The following ATRN variants were observed in gnomAD, a reference collection of about 807,000 sequenced individuals.
ATRN encodes the protein attractin.
Under a neutral mutation model 178.7 loss-of-function variants are expected in ATRN, and 54 were observed. That is an observed-to-expected ratio of 0.30 (90% confidence interval 0.24 to 0.38). The LOEUF (loss-of-function observed/expected upper bound fraction) is 0.38. ATRN is among the 10% of genes least tolerant of loss of function. The pLI is 1.00. For missense variants in ATRN, 1,443 were observed against 1,815.1 expected (o/e 0.79, Z 3.73); for synonymous variants, 636 against 663.0 (o/e 0.96, Z 0.63).
At chr20:3,548,995 C>G (rs1343566569) in intron 5 of ATRN, among the ~76,000 whole-genome samples, 175 bp from the exon 6 acceptor site, 9 of 152,046 alleles carry the variant, frequency 5.9e-5, no homozygotes. Flanking sequence ...TGTGATTTAC[C>G]CTTGGTCAAT....
At chr20:3,610,339 A>G (rs542902361) in intron 24 of ATRN, among the ~76,000 whole-genome samples, 1 of 152,342 alleles carries the variant, frequency 6.6e-6, no homozygotes, top group East Asian at 1.9e-4. Context: ...AGAGGGGTAG[A>G]CACACAGATC....
At chr20:3,603,985 A>G (rs1419447369) in intron 23 of ATRN, 120 bp from the exon 24 acceptor site, 4 of 797,002 alleles carry the variant, frequency 5.0e-6, no homozygotes, top group Non-Finnish European at 7.6e-6. Context: ...AAAGGCTATT[A>G]CTGGAACACA....
In ATRN at chr20:3,646,760, G is replaced by A. The variant is rs750655817; in HGVS notation, c.4203G>A (p.Gln1401=). 2.1e-5 allele frequency: 33 copies of A among 1,605,884 alleles called. No homozygotes were observed. In the East Asian group the frequency reaches 7.2e-4, roughly 35 times the overall value. The change falls in exon 29 of 29, where the codon CAG becomes CAA. Residue 1401 remains glutamine (Q), a synonymous_variant. Coordinates refer to ENST00000262919, the MANE Select transcript of ATRN (RefSeq NM_139321.3). ...CCAGCGCCCTGGTGGACATTTCTCA[G>A]CAGATGCCGATAGTGTACAAGGAGA... is the stretch of plus-strand genomic sequence containing the variant. ...AVASALVDIS[Q]QMPIVYKEKS...
intron 3 of ATRN, among the ~76,000 whole-genome samples, chr20:3,544,333 G>A (rs548319937): frequency 6.6e-6 from 1 of 152,280 alleles, no homozygotes; most frequent in African/African-American, 2.4e-5. Context: ...GTTGCCATCT[G>A]AACAGTGCTG....
intron 25 of ATRN, among the ~76,000 whole-genome samples, chr20:3,633,689 G>A (rs6115970): frequency 1.3e-5 from 2 of 152,078 alleles, no homozygotes; most frequent in Admixed American, 1.3e-4. Context: ...TTCCACACCT[G>A]GTTTATACAT....
chr20:3,593,341 T>G (rs1472551691), intron 19 of ATRN, among the ~76,000 whole-genome samples: 1 of 152,204 alleles, frequency 6.6e-6, no homozygotes, highest in Non-Finnish European at 1.5e-5. Flanking sequence ...CTTAAAATTG[T>G]ATAGTCCTTA....
intron 24 of ATRN, among the ~76,000 whole-genome samples, chr20:3,618,112 C>T (rs2086867481): frequency 6.6e-6 from 1 of 152,216 alleles, no homozygotes; most frequent in African/African-American, 2.4e-5. Context: ...CACATCGTCT[C>T]CCCATATCCC....
chr20:3,616,515 G>A (rs910031203), intron 24 of ATRN, among the ~76,000 whole-genome samples: 15 of 152,056 alleles, frequency 9.9e-5, no homozygotes, highest in African/African-American at 2.4e-4. Flanking sequence ...TGTTCGTGGT[G>A]GGGAAAGGAA....
Position 3,604,093 on chromosome 20 carries a change from T to G in ATRN, c.3644-12T>G. ...AAAATGTCTCTTCTCTTTCATGTTT[T>G]TCTTTTAACAGCTGGAACCCAGGCT... On this transcript the variant is annotated splice_polypyrimidine_tract_variant and intron_variant, in intron 23 of 28. Transcript: ENST00000262919. The G allele has an allele frequency of 6.4e-7, 1 of 1,566,176 alleles. No homozygotes were observed. Among genetic ancestry groups the G allele is most frequent in the Non-Finnish European group, 8.6e-7 (1 of 1,162,968 alleles).
chr20:3,615,161 T>C (rs2086825150), intron 24 of ATRN, among the ~76,000 whole-genome samples: 1 of 152,094 alleles, frequency 6.6e-6, no homozygotes, highest in Non-Finnish European at 1.5e-5. Flanking sequence ...AAGAATTATA[T>C]GGTTGTGCTG....
At chr20:3,510,559 A>G (rs570522531) in intron 1 of ATRN, among the ~76,000 whole-genome samples, 12 of 152,216 alleles carry the variant, frequency 7.9e-5, no homozygotes, top group Admixed American at 3.9e-4. Context: ...TCTTTGATTA[A>G]TACATTCCCC....
chr20:3,563,373 C>A lies in ATRN; in HGVS notation c.1786+10C>A. 6.2e-7 allele frequency: 1 copy of A among 1,610,366 alleles called. No homozygotes were observed. Among genetic ancestry groups the A allele is most frequent in the Non-Finnish European group, 8.5e-7 (1 of 1,177,406 alleles). ...ATGGCCTATGACATTGGTAAGTTTC[C>A]CAAAACCATTTTCTCTTCAGGCATC... On this transcript the variant is annotated intron_variant, in intron 10 of 28. Coordinates refer to ENST00000262919, the MANE Select transcript of ATRN (RefSeq NM_139321.3).
chr20:3,535,618 CA>C (rs1371266433), intron 2 of ATRN, among the ~76,000 whole-genome samples: 1 of 145,616 alleles, frequency 6.9e-6, no homozygotes, highest in Non-Finnish European at 1.5e-5. Flanking sequence ...CACACACACA[CA>C]CACACACATA....
At chr20:3,609,582 C>T (rs964593287) in intron 24 of ATRN, among the ~76,000 whole-genome samples, 3 of 152,090 alleles carry the variant, frequency 2.0e-5, no homozygotes, top group African/African-American at 7.2e-5. Context: ...CTCTAATGCT[C>T]GCAGCGTCTG....
chr20:3,492,866 C>CGCGCGT (rs1437014449), intron 1 of ATRN, among the ~76,000 whole-genome samples: 1 of 123,602 alleles, frequency 8.1e-6, no homozygotes, highest in Non-Finnish European at 1.7e-5. Flanking sequence ...CGCGCGCGCG[C>CGCGCGT]GTGCGCACGC....
At chr20:3,623,153 C>T (rs1475680940) in intron 24 of ATRN, among the ~76,000 whole-genome samples, 1 of 152,156 alleles carries the variant, frequency 6.6e-6, no homozygotes, top group African/African-American at 2.4e-5. Flanking sequence ...TCTTCATTCC[C>T]CAAAATGACC....
chr20:3,557,376 G>T (rs537833011), intron 6 of ATRN, among the ~76,000 whole-genome samples: 3 of 152,166 alleles, frequency 2.0e-5, no homozygotes, highest in Admixed American at 1.3e-4. Flanking sequence ...TTCAGTACCA[G>T]CAGTGTTCAA....
At chr20:3,542,080 C>T (rs748133567) in intron 3 of ATRN, among the ~76,000 whole-genome samples, 1 of 152,176 alleles carries the variant, frequency 6.6e-6, no homozygotes, top group Non-Finnish European at 1.5e-5. Context: ...ACTTACAAGG[C>T]CAAAGAGCAG....
intron 11 of ATRN, among the ~76,000 whole-genome samples, chr20:3,572,015 T>A (rs1037451511): frequency 1.3e-5 from 2 of 152,134 alleles, no homozygotes; most frequent in African/African-American, 4.8e-5. Context: ...TTCAATTTTA[T>A]TTTTTTCCAT....
Sources: allele counts gnomAD v4.1 joint callset (sites outside exome capture counted in the v4.1 genomes callset), GRCh38; gene constraint gnomAD v4.1.1; transcripts MANE v1.5; gene names NCBI Gene and HGNC (gene_info 2026-07-23, HGNC 2026-07-21).